NEXMIF: variants seen among roughly 807,000 people sequenced by gnomAD.
The protein encoded by NEXMIF is neurite extension and migration factor, also known as XLMR protein related to neurite extension.
A neutral mutation model predicts 62.1 loss-of-function variants in NEXMIF; 8 were observed. That is an observed-to-expected ratio of 0.13 (90% CI 0.08 to 0.23). The LOEUF is 0.23. Among genes scored for constraint, NEXMIF ranks in the 10% least tolerant of loss-of-function variants. The pLI is 1.00. For missense variants in NEXMIF, 976 were observed against 1,113.3 expected, an observed-to-expected ratio of 0.88 and a Z score of 1.75; for synonymous variants, 404 against 416.6, an observed-to-expected ratio of 0.97 and a Z score of 0.37.
chrX:74,741,211 A>C lies in NEXMIF; in HGVS notation c.3346T>G (p.Cys1116Gly), dbSNP rs762784776. Residue 1116 changes from cysteine to glycine, a missense_variant, in exon 3 of 4, where the codon TGC becomes GGC. Cys to Gly is a radical substitution (Grantham distance 159). Around this residue, in one of 5 missense-constraint regions of NEXMIF, gnomAD observed 639 missense variants for 694.5 expected, o/e 0.92. Coordinates refer to ENST00000055682, the MANE Select transcript of NEXMIF (RefSeq NM_001008537.3). ...TGGACCTGCCGTGAAAGGGTACTGC[A>C]GTCCCACTTGATTTTTTCCACACTG... ...LDSVEKIKWD[C>G]STLSRQVQME... The C allele has an allele frequency of 5.0e-6, 6 of 1,209,600 alleles. No individual in the cohort carries two copies. Among genetic ancestry groups the C allele is most frequent in the Non-Finnish European group, 6.7e-6 (6 of 895,171 alleles).
chrX:74,843,204 T>C (rs769623872), intron 1 of NEXMIF, among the ~76,000 whole-genome samples: 16 of 111,860 alleles, frequency 1.4e-4, no homozygotes, highest in Non-Finnish European at 2.6e-4. Context: ...TCTCGTTGAA[T>C]TGAAACCTTT....
intron 1 of NEXMIF, among the ~76,000 whole-genome samples, chrX:74,877,642 T>C (rs1026402956): frequency 1.8e-5 from 2 of 111,810 alleles, no homozygotes; most frequent in African/African-American, 6.5e-5. Context: ...CAGACGTAGA[T>C]TTGGTCTTTT....
chrX:74,917,245 T>C (rs1250711884), intron 1 of NEXMIF, among the ~76,000 whole-genome samples: 1 of 111,128 alleles, frequency 9.0e-6, no homozygotes, highest in Non-Finnish European at 1.9e-5. Context: ...TCTGGTTGTT[T>C]AAAAGTGTGT....
intron 1 of NEXMIF, among the ~76,000 whole-genome samples, chrX:74,842,397 C>A (rs879115311): frequency 2.7e-5 from 3 of 111,476 alleles, no homozygotes; most frequent in Non-Finnish European, 5.7e-5. Context: ...AGAGGCCTAT[C>A]TATCTTATTA....
At position 74,852,144 on chromosome X, in the gene NEXMIF, T is replaced by TA. The variant is rs751573092; in HGVS notation, c.-48+72738dup. 5.5e-3 allele frequency among the ~76,000 whole-genome samples: 603 copies of TA among 110,603 alleles called. 3 individuals are homozygous for TA. Among genetic ancestry groups the TA allele is most frequent in the Non-Finnish European group, 9.4e-3 (496 of 52,743 alleles). On this transcript the variant is annotated intron_variant, in intron 1 of 3. Transcript: ENST00000055682. ...AAAAGATATTCCATGCAAATTGAAA[T>TA]AAAAAAATGAGCAAGGGTAGCTATG...
Sources: gnomAD v4.1 joint callset for allele counts (sites outside exome capture counted in the v4.1 genomes callset) on GRCh38, gnomAD v4.1.1 for gene constraint, gnomAD v4.1.1 regional missense constraint, MANE v1.5 for transcripts, NCBI Gene and HGNC (gene_info 2026-07-23, HGNC 2026-07-21) for gene names.